The following FCHO2 variants were observed in gnomAD, a reference collection of about 807,000 sequenced individuals.
FCHO2 encodes F-BAR domain only protein 2.
A neutral mutation model predicts 114.1 loss-of-function variants in FCHO2; 43 were observed. The ratio of observed to expected loss-of-function variants is 0.38; its 90% CI spans 0.30 to 0.49. The LOEUF (loss-of-function observed/expected upper bound fraction) is 0.49. Ranked by LOEUF, FCHO2 falls within the 20% of genes least tolerant of loss-of-function variation. The pLI, the probability that FCHO2 is intolerant of heterozygous loss-of-function variation, is 0.97. For missense variants in FCHO2, 807 were observed against 950.4 expected (o/e 0.85, Z 1.98); for synonymous variants, 293 against 315.2 (o/e 0.93, Z 0.75).
intron 11 of FCHO2, chr5:73,051,108 T>G (rs1757317348): frequency 2.8e-6 from 1 of 359,870 alleles, no homozygotes; most frequent in African/African-American, 2.2e-5. Flanking sequence ...AAATTATGAG[T>G]TGTGTTTCTC....
At chr5:72,970,861 C>G (rs1752508050) in intron 2 of FCHO2, among the ~76,000 whole-genome samples, 2 of 152,260 alleles carry the variant, frequency 1.3e-5, no homozygotes, top group African/African-American at 4.8e-5. Context: ...TCCCCGCAAC[C>G]CACAACAGTC....
chr5:73,060,937 A>G (rs1196628503), intron 17 of FCHO2, among the ~76,000 whole-genome samples: 3 of 149,748 alleles, frequency 2.0e-5, no homozygotes, highest in Non-Finnish European at 3.0e-5. Flanking sequence ...TCTTACGCCT[A>G]CCTCCCCTTT....
At chr5:73,052,252 T>C (rs1247232471) in intron 12 of FCHO2, 80 bp from the exon 13 acceptor site, 19 of 1,360,164 alleles carry the variant, frequency 1.4e-5, no homozygotes, top group Admixed American at 2.6e-5. Context: ...AAAGGTTTCA[T>C]TCCTTTTTTA....
chr5:73,002,131 C>T (rs1188186356), intron 5 of FCHO2, among the ~76,000 whole-genome samples: 2 of 152,004 alleles, frequency 1.3e-5, no homozygotes, highest in Admixed American at 1.3e-4. Context: ...CAAATAAGTG[C>T]TGAATGTATA....
At chr5:73,003,464 C>T (rs184540648) in intron 5 of FCHO2, among the ~76,000 whole-genome samples, 108 of 152,250 alleles carry the variant, frequency 7.1e-4, no homozygotes, top group South Asian at 1.7e-3. Context: ...AGGCATGTGC[C>T]ACCATGCCCG....
chr5:72,976,137 G>A (rs1445470119), intron 2 of FCHO2, among the ~76,000 whole-genome samples: 1 of 152,122 alleles, frequency 6.6e-6, no homozygotes, highest in Admixed American at 6.5e-5. Flanking sequence ...CCAGCATTTG[G>A]AGTGGTCAGT....
intron 5 of FCHO2, chr5:72,997,152 T>C (rs1288113868): frequency 6.3e-6 from 7 of 1,107,376 alleles, no homozygotes; most frequent in Non-Finnish European, 9.7e-6. Flanking sequence ...GATGGGGTCC[T>C]GAGGCTCACA....
chr5:73,054,815 G>T (rs1291185376), intron 15 of FCHO2, among the ~76,000 whole-genome samples: 1 of 152,110 alleles, frequency 6.6e-6, no homozygotes, highest in East Asian at 1.9e-4. Flanking sequence ...GATTCAGAAT[G>T]TTAAACGGTT....
intron 18 of FCHO2, among the ~76,000 whole-genome samples, chr5:73,064,664 T>C (rs569860605): frequency 6.6e-6 from 1 of 152,166 alleles, no homozygotes; most frequent in Admixed American, 6.6e-5. Context: ...TAAAGCTGCC[T>C]CAACAACCTA....
intron 1 of FCHO2, among the ~76,000 whole-genome samples, chr5:72,963,476 A>G (rs111909454): frequency 2.0e-5 from 3 of 152,246 alleles, no homozygotes; most frequent in Admixed American, 6.5e-5. Context: ...TTTTCAGTTG[A>G]TATTACCATC....
At chr5:73,017,897 A>G (rs1299215258) in intron 8 of FCHO2, among the ~76,000 whole-genome samples, 1 of 152,178 alleles carries the variant, frequency 6.6e-6, no homozygotes, top group Non-Finnish European at 1.5e-5. Context: ...AAATGATTAC[A>G]GAAGTTCAAA....
chr5:73,081,803 G>A lies in FCHO2; in HGVS notation c.2001G>A (p.Gln667=), dbSNP rs2112894031. The change falls in exon 23 of 26, where the codon CAG becomes CAA. Residue 667 remains glutamine (Q), a synonymous_variant. Transcript: ENST00000430046. ...LKYQVSSNGI[Q]STPLNLATYW... ...TAAAGGTATCATCAAATGGTATTCA[G>A]TCCACTCCTCTGAATCTTGCAACAT... The A allele has an allele frequency of 3.2e-6, 5 of 1,572,226 alleles. No homozygotes were observed. The South Asian group carries it at 5.9e-5, about 19-fold the overall frequency.
At chr5:73,022,862 A>G (rs1441209777) in intron 8 of FCHO2, among the ~76,000 whole-genome samples, 2 of 152,154 alleles carry the variant, frequency 1.3e-5, no homozygotes, top group East Asian at 1.9e-4. Context: ...CAGTTTATTA[A>G]GTTCCTACTG....
Position 73,051,409 on chromosome 5 carries a change from A to G in FCHO2, c.997+3A>G. 6.6e-7 allele frequency: 1 copy of G among 1,508,986 alleles called. No homozygotes were observed. Among genetic ancestry groups the G allele is most frequent in the Non-Finnish European group, 9.0e-7 (1 of 1,111,996 alleles). The allele number at this position is 1,508,986 out of a possible 1,614,324, so 93.5% of individuals were successfully genotyped here. A position where few individuals can be genotyped will look rare whatever the true frequency, so the allele number is the denominator to read the frequency against. On this transcript the variant is annotated splice_donor_region_variant and intron_variant, in intron 12 of 25. Coordinates refer to ENST00000430046, the MANE Select transcript of FCHO2 (RefSeq NM_138782.3). ...TAAACCAGAAACAAATCAGAATGAT[A>G]TCCTTTCATCATCTAGTATTCTTAA...
rs576109342 is a variant in FCHO2, at chr5:72,968,641, A to G, written c.125+52A>G. ...GTTTAACAACTTAATAGCAATTTAA[A>G]TTTTAGAATATAAATAATGGAGAAA... is the stretch of plus-strand genomic sequence containing the variant. On this transcript the variant is annotated intron_variant, in intron 2 of 25. Coordinates refer to ENST00000430046, the MANE Select transcript of FCHO2 (RefSeq NM_138782.3). The G allele has an allele frequency of 4.8e-6, 6 of 1,248,160 alleles. No individual in the cohort carries two copies. In the African/African-American group the frequency reaches 9.4e-5, roughly 20 times the overall value. The allele number at this position is 1,248,160 out of a possible 1,614,324, so 77.3% of individuals were successfully genotyped here.
chr5:72,998,323 T>C (rs1426574195), intron 5 of FCHO2, among the ~76,000 whole-genome samples: 1 of 151,960 alleles, frequency 6.6e-6, no homozygotes, highest in Non-Finnish European at 1.5e-5. Flanking sequence ...CCATCTCTAC[T>C]AAAAATACAA....
At chr5:73,063,720 A>G in intron 17 of FCHO2, 121 bp from the exon 18 acceptor site, 1 of 812,274 alleles carries the variant, frequency 1.2e-6, no homozygotes. Context: ...TACATCTAAA[A>G]AAAGAGCCTC....
In FCHO2 at chr5:73,077,405, A is replaced by G. The variant is rs200054049; in HGVS notation, c.1759A>G (p.Ser587Gly). The G allele has an allele frequency of 6.3e-7, 1 of 1,593,146 alleles. No homozygotes were observed. The highest frequency in any genetic ancestry group is 8.6e-7 in the Non-Finnish European group (1 of 1,168,912). The change falls in exon 21 of 26, where the codon AGC (serine) becomes GGC (glycine). Residue 587 changes from serine to glycine, a missense_variant. Coordinates refer to ENST00000430046, the MANE Select transcript of FCHO2 (RefSeq NM_138782.3). ...FPSGIIKVFT[S>G]NPTPAVLCFR... ...AAGTGGAATTATTAAAGTCTTCACC[A>G]GCAATCCAACTCCAGCTGTGTTGTG...
At chr5:73,044,982 G>A (rs1756987777) in intron 11 of FCHO2, among the ~76,000 whole-genome samples, 1 of 152,116 alleles carries the variant, frequency 6.6e-6, no homozygotes, top group African/African-American at 2.4e-5. Flanking sequence ...TTAATATCAG[G>A]TTTCTGTGCA....
Sources: gnomAD v4.1 joint callset for allele counts (sites outside exome capture counted in the v4.1 genomes callset) on GRCh38, gnomAD v4.1.1 for gene constraint, MANE v1.5 for transcripts, NCBI Gene and HGNC (gene_info 2026-07-23, HGNC 2026-07-21) for gene names.